The following MPP7 variants were observed in gnomAD, a reference collection of about 807,000 sequenced individuals.
MPP7 encodes MAGUK p55 scaffold protein 7, also known as MAGUK p55 subfamily member 7.
Under a neutral mutation model 76.5 loss-of-function variants are expected in MPP7, and 60 were observed. The ratio of observed to expected loss-of-function variants is 0.78; its 90% CI spans 0.64 to 0.97. The LOEUF is 0.97. Among genes scored for constraint, MPP7 ranks in the 50% least tolerant of loss-of-function variants. The pLI, the probability that MPP7 is intolerant of heterozygous loss-of-function variation, is 0.00. For missense variants in MPP7, 641 were observed against 694.0 expected (o/e 0.92, Z 0.86); for synonymous variants, 237 against 244.5 (o/e 0.97, Z 0.29).
At chr10:28,136,028 G>T (rs1835343031) in intron 5 of MPP7, among the ~76,000 whole-genome samples, 2 of 151,986 alleles carry the variant, frequency 1.3e-5, no homozygotes, top group African/African-American at 4.8e-5. Flanking sequence ...ATCAGCAGCA[G>T]CATTAGATTC....
chr10:28,266,026 G>A (rs901941049), intron 1 of MPP7, among the ~76,000 whole-genome samples: 2 of 152,038 alleles, frequency 1.3e-5, no homozygotes, highest in African/African-American at 2.4e-5. Context: ...GGAGTACTCA[G>A]GAGGCTCACT....
At chr10:28,168,967 C>A (rs530286423) in intron 3 of MPP7, among the ~76,000 whole-genome samples, 73 of 152,272 alleles carry the variant, frequency 4.8e-4, no homozygotes, top group African/African-American at 1.6e-3. Context: ...TAGCTTCCTT[C>A]TTTTTCTACA....
intron 2 of MPP7, among the ~76,000 whole-genome samples, chr10:28,315,466 G>T (rs1049478194): frequency 1.3e-5 from 2 of 152,080 alleles, no homozygotes; most frequent in Admixed American, 6.5e-5. Flanking sequence ...GCTGGCATGT[G>T]CTTTGCAGTC....
intron 1 of MPP7, among the ~76,000 whole-genome samples, chr10:28,300,658 C>G (rs1841132882): frequency 6.6e-6 from 1 of 151,986 alleles, no homozygotes; most frequent in African/African-American, 2.4e-5. Context: ...ATGATTAGAA[C>G]AGTTACATTC....
At chr10:28,153,055 A>G (rs1403763276) in intron 3 of MPP7, among the ~76,000 whole-genome samples, 3 of 152,142 alleles carry the variant, frequency 2.0e-5, no homozygotes, top group African/African-American at 7.2e-5. Context: ...GGAGTACAAG[A>G]CCAGCCTGGC....
At chr10:28,269,582 A>G (rs1840257140) in intron 1 of MPP7, among the ~76,000 whole-genome samples, 1 of 148,198 alleles carries the variant, frequency 6.7e-6, no homozygotes, top group Admixed American at 6.8e-5. Context: ...GCTGGAGTGC[A>G]GTGGCATGAT....
chr10:28,223,751 G>C (rs776514796), intron 2 of MPP7, among the ~76,000 whole-genome samples: 8 of 151,898 alleles, frequency 5.3e-5, no homozygotes, highest in Non-Finnish European at 1.0e-4. Flanking sequence ...GTGTTATAAG[G>C]CTACAAAGGA....
intron 12 of MPP7, among the ~76,000 whole-genome samples, chr10:28,078,676 G>T (rs949512608): frequency 6.6e-6 from 1 of 152,148 alleles, no homozygotes; most frequent in Admixed American, 6.5e-5. Flanking sequence ...ATAAAGCTGT[G>T]TGTATCAATT....
At chr10:28,198,804 G>GAT (rs1173111742) in intron 3 of MPP7, among the ~76,000 whole-genome samples, 1 of 152,076 alleles carries the variant, frequency 6.6e-6, no homozygotes, top group Non-Finnish European at 1.5e-5. Flanking sequence ...TATGGTCCTG[G>GAT]ATATTTGCAA....
At chr10:28,161,403 G>A (rs776890679) in intron 3 of MPP7, among the ~76,000 whole-genome samples, 1 of 146,064 alleles carries the variant, frequency 6.8e-6, no homozygotes, top group African/African-American at 2.6e-5. Context: ...CTTATTCCTG[G>A]CAGAGTTATC....
chr10:28,116,191 CTTAAA>C (rs1365588100), intron 11 of MPP7, among the ~76,000 whole-genome samples: 1 of 152,084 alleles, frequency 6.6e-6, no homozygotes, highest in South Asian at 2.1e-4. Context: ...TCCTACTGAA[CTTAAA>C]TTAATTTGAT....
chr10:28,324,264 C>A (rs1205502426), intron 2 of MPP7, among the ~76,000 whole-genome samples: 1 of 152,172 alleles, frequency 6.6e-6, no homozygotes, highest in Non-Finnish European at 1.5e-5. Context: ...GTCTATGAAC[C>A]AGGCAACAGG....
intron 6 of MPP7, among the ~76,000 whole-genome samples, chr10:28,126,154 C>T (rs1440519326): frequency 1.3e-5 from 2 of 152,072 alleles, no homozygotes; most frequent in Non-Finnish European, 2.9e-5. Flanking sequence ...GTAAAAAAGT[C>T]AAAGAATTAA....
rs181123972 is a variant in MPP7 at position 28,289,677 on chromosome 10, G to A, written c.-132+13184C>T. On this transcript the variant is annotated intron_variant, in intron 1 of 16. Coordinates refer to ENST00000683449, the MANE Select transcript of MPP7 (RefSeq NM_001318170.2). ...AAGGTTCTGAGCAAATGAGTGACAG[G>A]ATCCACCCGAACCCACTCTGGGCTT... Among the ~76,000 whole-genome samples, 252 of 152,282 alleles carry A rather than the reference G, an allele frequency of 1.7e-3. 2 individuals are homozygous for A. The highest frequency in any genetic ancestry group is 0.014 in the Middle Eastern group (4 of 294).
intron 2 of MPP7, among the ~76,000 whole-genome samples, chr10:28,323,565 C>CT (rs1834385779): frequency 1.3e-5 from 2 of 152,062 alleles, no homozygotes. Flanking sequence ...GTGAAATGGG[C>CT]TAGGCACAGT....
chr10:28,055,662 G>T (rs1374925763), intron 16 of MPP7, among the ~76,000 whole-genome samples: 2 of 152,136 alleles, frequency 1.3e-5, no homozygotes, highest in African/African-American at 4.8e-5. Flanking sequence ...CCAAAATAGT[G>T]ATTTTCTTTT....
upstream of MPP7, among the ~76,000 whole-genome samples, chr10:28,334,830 A>C (rs1417330237): frequency 2.0e-5 from 3 of 152,202 alleles, no homozygotes; most frequent in Non-Finnish European, 4.4e-5. Context: ...CCAAAATCCT[A>C]TTGAAATGAG....
At chr10:28,301,856 A>C (rs1841163317) in intron 1 of MPP7, among the ~76,000 whole-genome samples, 1 of 152,234 alleles carries the variant, frequency 6.6e-6, no homozygotes, top group Admixed American at 6.5e-5. Context: ...GCTAAAACTC[A>C]GTGACCTTCA....
chr10:28,207,716 A>C (rs2134006675), intron 2 of MPP7, among the ~76,000 whole-genome samples: 1 of 152,112 alleles, frequency 6.6e-6, no homozygotes, highest in Non-Finnish European at 1.5e-5. Flanking sequence ...AAATGAAAAA[A>C]GAAAGAAAAA....
Sources: gnomAD v4.1 joint callset for allele counts (sites outside exome capture counted in the v4.1 genomes callset) on GRCh38, gnomAD v4.1.1 for gene constraint, MANE v1.5 for transcripts, NCBI Gene and HGNC (gene_info 2026-07-23, HGNC 2026-07-21) for gene names.